The following ISLR2 variants were observed in gnomAD, a reference collection of about 807,000 sequenced individuals.
The protein encoded by ISLR2 is immunoglobulin superfamily containing leucine-rich repeat protein 2.
In ISLR2, 16 loss-of-function variants were observed where a neutral mutation model predicts 25.5. That is an observed-to-expected ratio of 0.63 (90% confidence interval 0.43 to 0.95). The LOEUF is 0.95. Ranked by LOEUF, ISLR2 falls within the 40% of genes least tolerant of loss-of-function variation. The pLI, the probability that ISLR2 is intolerant of heterozygous loss-of-function variation, is 0.00. For synonymous variants in ISLR2, 508 were observed against 486.6 expected (o/e 1.04, Z -0.58); for missense variants, 883 against 1,030.7 (o/e 0.86, Z 1.96).
chr15:74,106,854 G>T (rs2072124526), intron 2 of ISLR2, among the ~76,000 whole-genome samples: 1 of 152,112 alleles, frequency 6.6e-6, no homozygotes, highest in Non-Finnish European at 1.5e-5. Flanking sequence ...ATTTCTGGGG[G>T]GACTTCTACG....
intron 2 of ISLR2, among the ~76,000 whole-genome samples, chr15:74,109,060 T>TA (rs2072145243): frequency 6.6e-6 from 1 of 152,250 alleles, no homozygotes; most frequent in African/African-American, 2.4e-5. Context: ...ATTATTGTGT[T>TA]AAAAATTAAG....
chr15:74,131,983 C>A (rs2072431112), intron 2 of ISLR2: 1 of 152,282 alleles, frequency 6.6e-6, no homozygotes, highest in Admixed American at 6.5e-5. Flanking sequence ...GGGCTGTATG[C>A]ACACACAGGC....
At chr15:74,116,400 CAAAA>C (rs1459513461) in intron 2 of ISLR2, among the ~76,000 whole-genome samples, 1 of 84,312 alleles carries the variant, frequency 1.2e-5, no homozygotes. Context: ...CTCATCTCTA[CAAAA>C]AAAAAAAAAG....
At chr15:74,128,265 C>T (rs527557444), upstream of ISLR2, 118 of 342,390 alleles carry the variant, frequency 3.4e-4, no homozygotes, top group South Asian at 2.7e-3. Context: ...GGGCTCCAGC[C>T]CTGCCCGGGC....
intron 2 of ISLR2, among the ~76,000 whole-genome samples, chr15:74,119,385 ATT>A (rs1343109469): frequency 6.6e-6 from 1 of 151,958 alleles, no homozygotes; most frequent in African/African-American, 2.4e-5. Flanking sequence ...TAATTTTTAA[ATT>A]TTTTGTAGAA....
chr15:74,126,946 G>C (rs1208628325), upstream of ISLR2: 6 of 130,554 alleles, frequency 4.6e-5, no homozygotes, highest in Admixed American at 7.8e-5. Flanking sequence ...GTGTGTGTGT[G>C]TGTGTGTCTG....
chr15:74,133,412 G>T lies in ISLR2; in HGVS notation c.658G>T (p.Val220Leu). 2 of 1,607,166 alleles carry T rather than the reference G, an allele frequency of 1.2e-6. No homozygotes were observed. Among genetic ancestry groups the T allele is most frequent in the African/African-American group, 2.7e-5 (2 of 75,056 alleles). The stretch of plus-strand genomic sequence containing the variant: ...TGCCTCGCCTCCCGCGCTGCAGGGG[G>T]TGCCGGTGTACCGCCTGCCCGCCCT... ...ACASPPALQG[V>L]PVYRLPALPC... The change falls in exon 3 of 3, where the codon GTG becomes TTG. Residue 220 changes from valine to leucine, a missense_variant. Val to Leu is a conservative substitution (Grantham distance 32, BLOSUM62 1). Coordinates refer to ENST00000453268, the MANE Select transcript of ISLR2 (RefSeq NM_020851.3).
intron 2 of ISLR2, among the ~76,000 whole-genome samples, chr15:74,106,784 A>G (rs1198226916): frequency 1.3e-5 from 2 of 152,056 alleles, no homozygotes; most frequent in Non-Finnish European, 2.9e-5. Flanking sequence ...CTCTGCATCT[A>G]CTAGGCTGGG....
chr15:74,112,718 G>A (rs2072178145), intron 2 of ISLR2, among the ~76,000 whole-genome samples: 2 of 152,008 alleles, frequency 1.3e-5, no homozygotes, highest in South Asian at 4.2e-4. Context: ...AGTAGAGATG[G>A]GGTTTCACCA....
chr15:74,135,022 G>C lies in ISLR2; in HGVS notation c.*30G>C. The stretch of plus-strand genomic sequence containing the variant: ...CCGCCCGTCCGGCCCGCCCATTCCC[G>C]ACCTCCACCTAGGGTGCCTGGGAGC... On this transcript the variant is annotated 3_prime_UTR_variant, in exon 3 of 3. Transcript: ENST00000453268. The C allele has an allele frequency of 6.3e-7, 1 of 1,598,886 alleles. No individual in the cohort carries two copies.
chr15:74,140,303 A>T (rs2072604852), downstream of ISLR2, among the ~76,000 whole-genome samples: 1 of 152,164 alleles, frequency 6.6e-6, no homozygotes, highest in South Asian at 2.1e-4. Flanking sequence ...ATCTCCAAAG[A>T]TTCGTTGTCA....
At chr15:74,141,720 T>G (rs934076426), downstream of ISLR2, among the ~76,000 whole-genome samples, 3 of 152,050 alleles carry the variant, frequency 2.0e-5, no homozygotes, top group African/African-American at 7.2e-5. Flanking sequence ...GCACAGAGGG[T>G]TAGTAGTTTG....
At chr15:74,131,084 C>G (rs920547447) in intron 1 of ISLR2, 123 bp from the exon 2 acceptor site, 1 of 152,618 alleles carries the variant, frequency 6.6e-6, no homozygotes, top group African/African-American at 2.4e-5. Flanking sequence ...TTTCTCCAAC[C>G]TGCAGCCAGA....
chr15:74,105,640 T>C (rs866915104), intron 2 of ISLR2, among the ~76,000 whole-genome samples: 28 of 148,528 alleles, frequency 1.9e-4, no homozygotes, highest in African/African-American at 7.0e-4. Flanking sequence ...TTCAGCTTGA[T>C]TTAGAAAGAT....
At chr15:74,127,821 CGACGTT>C (rs1409934219), upstream of ISLR2, 3 of 152,420 alleles carry the variant, frequency 2.0e-5, no homozygotes, top group African/African-American at 4.8e-5. Flanking sequence ...TCCGGGTTCG[CGACGTT>C]GAAGTTAAGG....
chr15:74,128,582 A>G (rs910839429), upstream of ISLR2: 7 of 456,584 alleles, frequency 1.5e-5, no homozygotes, highest in African/African-American at 4.0e-5. Context: ...CTCTGGGCAG[A>G]TAGCGAGCCC....
At chr15:74,106,886 C>T (rs1478487171) in intron 2 of ISLR2, among the ~76,000 whole-genome samples, 1 of 152,132 alleles carries the variant, frequency 6.6e-6, no homozygotes, top group Non-Finnish European at 1.5e-5. Flanking sequence ...AGCAGAGAGC[C>T]GAGAATTCTT....
chr15:74,107,493 G>A (rs2072130434), intron 2 of ISLR2, among the ~76,000 whole-genome samples: 1 of 152,090 alleles, frequency 6.6e-6, no homozygotes, highest in African/African-American at 2.4e-5. Context: ...CCAGCCAGAG[G>A]GCAGGGGACA....
intron 2 of ISLR2, among the ~76,000 whole-genome samples, chr15:74,117,563 A>G (rs2072220553): frequency 1.3e-5 from 2 of 152,158 alleles, no homozygotes; most frequent in South Asian, 4.2e-4. Flanking sequence ...CATGCCTGTA[A>G]TCCCAGCTAC....
Sources: gnomAD v4.1 joint callset for allele counts (sites outside exome capture counted in the v4.1 genomes callset) on GRCh38, gnomAD v4.1.1 for gene constraint, MANE v1.5 for transcripts, NCBI Gene and HGNC (gene_info 2026-07-23, HGNC 2026-07-21) for gene names.